The following CHN2 variants were observed in gnomAD, a reference collection of about 807,000 sequenced individuals.
CHN2 encodes chimerin 2.
Under a neutral mutation model 56.3 loss-of-function variants are expected in CHN2, and 35 were observed. The observed-to-expected ratio is 0.62, with a 90% confidence interval of 0.47 to 0.82. CHN2 has a LOEUF of 0.82. Ranked by LOEUF, CHN2 falls within the 40% of genes least tolerant of loss-of-function variation. The pLI is 0.00. For missense variants in CHN2, 491 were observed against 580.5 expected, an observed-to-expected ratio of 0.85 and a Z score of 1.58; for synonymous variants, 210 against 212.8, an observed-to-expected ratio of 0.99 and a Z score of 0.12.
chr7:29,333,092 T>C (rs1304356408), intron 1 of CHN2: 6 of 152,248 alleles, frequency 3.9e-5, no homozygotes, highest in Non-Finnish European at 7.4e-5. Context: ...AGAGGCATGC[T>C]TCTGTCTCCG....
At chr7:29,420,132 A>G (rs116682286) in intron 6 of CHN2, among the ~76,000 whole-genome samples, 4,697 of 152,128 alleles carry the variant, frequency 0.031, 88 homozygotes, top group African/African-American at 0.059. Flanking sequence ...AAGTGTTGGT[A>G]TGGATGTGGA....
chr7:29,456,183 C>T (rs1784739225), intron 6 of CHN2, among the ~76,000 whole-genome samples: 1 of 152,326 alleles, frequency 6.6e-6, no homozygotes, highest in African/African-American at 2.4e-5. Flanking sequence ...TGACCTTGAC[C>T]TTGGAGTACC....
chr7:29,222,220 A>G (rs1034965559), intron 1 of CHN2, among the ~76,000 whole-genome samples: 3 of 152,184 alleles, frequency 2.0e-5, no homozygotes, highest in South Asian at 2.1e-4. Context: ...GAGGACACAA[A>G]CAAATGGAAA....
intron 1 of CHN2, among the ~76,000 whole-genome samples, chr7:29,217,780 G>A (rs1785453469): frequency 6.6e-6 from 1 of 152,108 alleles, no homozygotes; most frequent in South Asian, 2.1e-4. Flanking sequence ...ATACGTATCT[G>A]ATAATTTGCC....
At chr7:29,234,221 A>G (rs980092157) in intron 1 of CHN2, among the ~76,000 whole-genome samples, 50 of 152,068 alleles carry the variant, frequency 3.3e-4, no homozygotes, top group Middle Eastern at 3.4e-3. Context: ...GCCACCAAGT[A>G]TATGGTAATT....
At chr7:29,179,925 A>G (rs527615318) in intron 2 of CHN2, among the ~76,000 whole-genome samples, 6 of 152,368 alleles carry the variant, frequency 3.9e-5, no homozygotes, top group African/African-American at 1.4e-4. Context: ...TGAAAGCATT[A>G]AGATAACTTA....
Position 29,512,949 on chromosome 7 carries a change from G to T in CHN2, c.*214G>T. ...AGGTGAGGGAAGCCCCTCACCTTGG[G>T]TCTTTTGCTGTGCCTCCTATGTATG... On this transcript the variant is annotated 3_prime_UTR_variant, in exon 13 of 13. Transcript: ENST00000222792. 1.1e-5 allele frequency: 5 copies of T among 459,954 alleles called. No individual in the cohort carries two copies. Among genetic ancestry groups the T allele is most frequent in the South Asian group, 4.8e-5 (1 of 20,846 alleles). 28.5% of individuals were successfully genotyped at this position (459,954 alleles called of 1,614,324 possible). A position where few individuals can be genotyped will look rare whatever the true frequency, so the allele number is the denominator to read the frequency against.
chr7:29,425,178 G>A (rs1166631799), intron 6 of CHN2, among the ~76,000 whole-genome samples: 1 of 152,202 alleles, frequency 6.6e-6, no homozygotes, highest in African/African-American at 2.4e-5. Flanking sequence ...GCCCCCCTGC[G>A]GTTGGGTGAG....
chr7:29,351,032 T>C (rs1380564958), intron 1 of CHN2, among the ~76,000 whole-genome samples: 8 of 136,530 alleles, frequency 5.9e-5, no homozygotes, highest in East Asian at 2.2e-4. Context: ...CACTTGAACC[T>C]GGGAGGCGGA....
At chr7:29,242,100 A>G (rs1461774334) in intron 1 of CHN2, among the ~76,000 whole-genome samples, 1 of 152,178 alleles carries the variant, frequency 6.6e-6, no homozygotes, top group East Asian at 1.9e-4. Context: ...CAACCATCCT[A>G]TGGTTGTGTA....
intron 1 of CHN2, among the ~76,000 whole-genome samples, chr7:29,232,002 A>G (rs1786753536): frequency 1.3e-5 from 2 of 152,190 alleles, no homozygotes; most frequent in Admixed American, 1.3e-4. Context: ...AACAGCAACA[A>G]CTTTTCCCTC....
upstream of CHN2, chr7:29,191,753 G>T (rs1163409104): frequency 6.6e-6 from 1 of 152,100 alleles, no homozygotes; most frequent in Non-Finnish European, 1.5e-5. Context: ...TGGCAAATAG[G>T]TATTACCTAG....
chr7:29,265,628 T>A (rs1308689936), intron 1 of CHN2, among the ~76,000 whole-genome samples: 1 of 152,188 alleles, frequency 6.6e-6, no homozygotes, highest in Non-Finnish European at 1.5e-5. Flanking sequence ...TAAAGTTCTT[T>A]ACTTTCTTGG....
At chr7:29,208,118 CT>C (rs2128776278) in intron 1 of CHN2, among the ~76,000 whole-genome samples, 1 of 152,282 alleles carries the variant, frequency 6.6e-6, no homozygotes, top group Non-Finnish European at 1.5e-5. Flanking sequence ...GATAAACTTT[CT>C]GTTAATTGGA....
chr7:29,210,617 A>T, intron 1 of CHN2, among the ~76,000 whole-genome samples: 1 of 151,016 alleles, frequency 6.6e-6, no homozygotes, highest in East Asian at 1.9e-4. Flanking sequence ...TGTGTATCTT[A>T]TATATATAAT....
intron 10 of CHN2, among the ~76,000 whole-genome samples, chr7:29,506,823 G>C (rs558887843): frequency 5.9e-5 from 9 of 152,272 alleles, no homozygotes; most frequent in African/African-American, 2.2e-4. Context: ...TTTTGTGAAC[G>C]TGACTTCCAA....
chr7:29,161,253 C>T (rs941789066), intron 2 of CHN2, among the ~76,000 whole-genome samples: 1 of 152,198 alleles, frequency 6.6e-6, no homozygotes, highest in African/African-American at 2.4e-5. Context: ...AAAGGAAGGA[C>T]AGCATGGTTA....
chr7:29,278,959 T>C (rs1791451258), intron 1 of CHN2, among the ~76,000 whole-genome samples: 1 of 151,320 alleles, frequency 6.6e-6, no homozygotes, highest in South Asian at 2.1e-4. Flanking sequence ...CCCAGGCCTG[T>C]CTCCCTCCAG....
rs1410982984 is a variant in CHN2 at position 29,240,808 on chromosome 7, T to TCTA, written c.49+45820_49+45821insACT. ...TTCTTCTTCTTCTTCCTCTTCTTCT[T>TCTA]CTTCTTCTTCGTCGTCGTCGTCGTC... is the stretch of plus-strand genomic sequence containing the variant. On this transcript the variant is annotated intron_variant, in intron 1 of 12. Coordinates refer to ENST00000222792, the MANE Select transcript of CHN2 (RefSeq NM_004067.4). Among the ~76,000 whole-genome samples, 3 of 130,648 alleles carry TCTA rather than the reference T, an allele frequency of 2.3e-5. No individual in the cohort carries two copies. The Admixed American group carries it at 2.7e-4, about 12-fold the overall frequency. 85.7% of individuals were successfully genotyped at this position (130,648 alleles called of 152,430 possible). A position where few individuals can be genotyped will look rare whatever the true frequency, so the allele number is the denominator to read the frequency against.
Sources: gnomAD v4.1 joint callset for allele counts (sites outside exome capture counted in the v4.1 genomes callset) on GRCh38, gnomAD v4.1.1 for gene constraint, MANE v1.5 for transcripts, NCBI Gene and HGNC (gene_info 2026-07-23, HGNC 2026-07-21) for gene names.